Variants in ARHGAP8 observed in about 807,000 individuals in gnomAD.
ARHGAP8 encodes rho GTPase-activating protein 8.
Under a neutral mutation model 46.1 loss-of-function variants are expected in ARHGAP8, and 62 were observed. The observed-to-expected ratio is 1.34, with a 90% CI of 1.10 to 1.66. The LOEUF (loss-of-function observed/expected upper bound fraction) is 1.66, where lower values mean the gene tolerates loss of function less well. ARHGAP8 is among the 40% of genes most tolerant of loss of function. ARHGAP8 has a pLI of 0.00. For missense variants in ARHGAP8, 923 were observed against 568.4 expected (o/e 1.62, Z -6.34); for synonymous variants, 375 against 243.1 (o/e 1.54, Z -5.05).
chr22:44,782,825 C>T (rs1243966126), intron 1 of ARHGAP8, among the ~76,000 whole-genome samples: 1 of 152,158 alleles, frequency 6.6e-6, no homozygotes, highest in Non-Finnish European at 1.5e-5. Flanking sequence ...TTTGCTCAGT[C>T]CCCGTCTCCA....
intron 2 of ARHGAP8, among the ~76,000 whole-genome samples, chr22:44,787,727 G>A (rs1309958753): frequency 6.6e-6 from 1 of 152,010 alleles, no homozygotes; most frequent in Middle Eastern, 3.2e-3. Flanking sequence ...CCCCTGCACT[G>A]AGCTCCATAA....
At chr22:44,806,749 T>C (rs139959441) in intron 3 of ARHGAP8, among the ~76,000 whole-genome samples, 3,055 of 151,440 alleles carry the variant, frequency 0.02, 48 homozygotes, top group Middle Eastern at 0.051. Flanking sequence ...GGTCAGAAGA[T>C]CAAGACCATC....
chr22:44,855,490 T>A (rs759603956), intron 10 of ARHGAP8, among the ~76,000 whole-genome samples: 1 of 152,226 alleles, frequency 6.6e-6, no homozygotes, highest in Non-Finnish European at 1.5e-5. Context: ...ATAACTTTCA[T>A]ACATAGTTTC....
chr22:44,790,273 TA>T (rs1927562379), intron 2 of ARHGAP8, among the ~76,000 whole-genome samples: 2 of 152,096 alleles, frequency 1.3e-5, no homozygotes, highest in South Asian at 4.2e-4. Context: ...GAGATGTTTT[TA>T]AAAACGTCCA....
chr22:44,845,306 G>C lies in ARHGAP8; in HGVS notation c.634G>C (p.Val212Leu). 2 of 1,614,138 alleles carry C rather than the reference G, an allele frequency of 1.2e-6. No homozygotes were observed. Among genetic ancestry groups the C allele is most frequent in the Non-Finnish European group, 8.5e-7 (1 of 1,180,028 alleles). The change falls in exon 8 of 12, where the codon GTG (valine) becomes CTG (leucine). Residue 212 changes from valine (V) to leucine (L), a missense_variant. Physicochemically the swap from Val to Leu is conservative, Grantham distance 32 (BLOSUM62 1). Transcript: ENST00000356099. ...AAATCAAGGCGAACTCATCCCCCCT[G>C]TGCTGAGGTTCACAGTGACGTACCT... is the stretch of plus-strand genomic sequence containing the variant. ...DKNQGELIPP[V>L]LRFTVTYLRE...
chr22:44,825,554 C>G lies in ARHGAP8; in HGVS notation c.557C>G (p.Pro186Arg). ...CCCACCAAGACACCACCGCCGCGGC[C>G]CCCGCTGCCCACACAGCAGTTTGGC... ...PPPTKTPPPR[P>R]PLPTQQFGVS... Residue 186 changes from proline to arginine, a missense_variant, in exon 7 of 12, where the codon CCC becomes CGC. Pro to Arg is a moderately radical substitution (Grantham distance 103, BLOSUM62 -2). Transcript: ENST00000356099. The G allele has an allele frequency of 1.2e-6, 2 of 1,613,382 alleles. No homozygotes were observed. Among genetic ancestry groups the G allele is most frequent in the Non-Finnish European group, 1.7e-6 (2 of 1,179,794 alleles).
chr22:44,856,254 C>CTTT (rs557242169), intron 10 of ARHGAP8, among the ~76,000 whole-genome samples: 1,065 of 86,744 alleles, frequency 0.012, 158 homozygotes, highest in African/African-American at 0.041. Context: ...TATAAATTCC[C>CTTT]TTTTTTTTTT....
chr22:44,859,916 T>TTGCCCTGGGTCTGGGGTCA (rs2070385193), intron 11 of ARHGAP8, 82 bp downstream of exon 11: 2 of 1,495,834 alleles, frequency 1.3e-6, no homozygotes, highest in Non-Finnish European at 1.8e-6. Flanking sequence ...AGTCCCCTCC[T>TTGCCCTGGGTCTGGGGTCA]TGCCCTGGGT....
chr22:44,770,980 C>G (rs982243960), intron 1 of ARHGAP8, among the ~76,000 whole-genome samples: 1 of 152,196 alleles, frequency 6.6e-6, no homozygotes, highest in Non-Finnish European at 1.5e-5. Context: ...AAGTTAAAGG[C>G]AAGATGGAGT....
Position 44,814,735 on chromosome 22 carries a change from G to C in ARHGAP8, c.363G>C (p.Trp121Cys). 1 of 1,613,986 alleles carries C rather than the reference G, an allele frequency of 6.2e-7. No homozygotes were observed. Among genetic ancestry groups the C allele is most frequent in the Non-Finnish European group, 8.5e-7 (1 of 1,179,944 alleles). ...CCACCAGCTTCATCAAGGTCCTGTG[G>C]AACATCTTGAAGCCCCTCATCAGGT... ...VHPTSFIKVL[W>C]NILKPLISHK... is the part of the protein sequence containing the mutation. Residue 121 changes from tryptophan to cysteine, a missense_variant, in exon 5 of 12, where the codon TGG (tryptophan) becomes TGC (cysteine). Physicochemically the swap from Trp to Cys is radical, Grantham distance 215. Transcript: ENST00000356099.
At chr22:44,838,582 T>C (rs2147146608) in intron 7 of ARHGAP8, among the ~76,000 whole-genome samples, 1 of 152,252 alleles carries the variant, frequency 6.6e-6, no homozygotes, top group Middle Eastern at 3.4e-3. Context: ...TCTGAGAGTC[T>C]ACTTTTAAAG....
chr22:44,814,823 A>G (rs1192012756), intron 5 of ARHGAP8, 65 bp downstream of exon 5: 4 of 1,575,320 alleles, frequency 2.5e-6, no homozygotes, highest in Non-Finnish European at 2.6e-6. Context: ...GGTCCATGGG[A>G]CGGCCTTCCC....
chr22:44,862,185 C>G, intron 11 of ARHGAP8, 90 bp from the exon 12 acceptor site: 5 of 1,482,966 alleles, frequency 3.4e-6, no homozygotes, highest in Non-Finnish European at 4.5e-6. Flanking sequence ...TCTCACTACA[C>G]CTACGCCTCT....
At chr22:44,770,288 C>A (rs28797786) in intron 1 of ARHGAP8, among the ~76,000 whole-genome samples, 78,054 of 151,812 alleles carry the variant, frequency 0.51, 21,125 homozygotes, top group East Asian at 0.77. Context: ...AGAAAATTCT[C>A]CTTGTCTGCT....
intron 2 of ARHGAP8, among the ~76,000 whole-genome samples, chr22:44,791,565 G>C (rs532576642): frequency 6.6e-6 from 1 of 152,096 alleles, no homozygotes; most frequent in African/African-American, 2.4e-5. Context: ...TTAGCCGGGC[G>C]TGATGGTGGG....
chr22:44,862,182 A>G (rs1221006607), intron 11 of ARHGAP8, 93 bp from the exon 12 acceptor site: 8 of 1,456,278 alleles, frequency 5.5e-6, no homozygotes, highest in Non-Finnish European at 7.3e-6. Flanking sequence ...TCCTCTCACT[A>G]CACCTACGCC....
At chr22:44,766,528 CTG>C (rs1446183644) in intron 1 of ARHGAP8, among the ~76,000 whole-genome samples, 10 of 151,748 alleles carry the variant, frequency 6.6e-5, no homozygotes, top group African/African-American at 9.7e-5. Flanking sequence ...GTGCGTGTGT[CTG>C]TAGGCATGTG....
At chr22:44,827,336 GTTTTTTTTTT>G (rs796490147) in intron 7 of ARHGAP8, among the ~76,000 whole-genome samples, 4 of 67,268 alleles carry the variant, frequency 5.9e-5, no homozygotes, top group South Asian at 7.9e-4. Flanking sequence ...TTGGGTGGTG[GTTTTTTTTTT>G]TTTTTTTTTT....
rs776774710 is a variant in ARHGAP8 at position 44,822,496 on chromosome 22, C to T, written c.485+27C>T. The T allele has an allele frequency of 1.3e-5, 20 of 1,506,374 alleles. No homozygotes were observed. The East Asian group carries it at 3.1e-4, about 24-fold the overall frequency. 93.3% of individuals were successfully genotyped at this position (1,506,374 alleles called of 1,614,324 possible). A position where few individuals can be genotyped will look rare whatever the true frequency, so the allele number is the denominator to read the frequency against. On this transcript the variant is annotated intron_variant, in intron 6 of 11. Coordinates refer to ENST00000356099, the MANE Select transcript of ARHGAP8 (RefSeq NM_181335.3). ...TAAGTGCCTGTTAGACCCCAGAAGC[C>T]GCATCAATACATCTTCGTGCTTCCA... is the stretch of plus-strand genomic sequence containing the variant.
Sources: allele counts gnomAD v4.1 joint callset (sites outside exome capture counted in the v4.1 genomes callset), GRCh38; gene constraint gnomAD v4.1.1; transcripts MANE v1.5; gene names NCBI Gene and HGNC (gene_info 2026-07-23, HGNC 2026-07-21).